The following TRAPPC9 variants were observed in gnomAD, a reference collection of about 807,000 sequenced individuals.
The protein encoded by TRAPPC9 is trafficking protein particle complex subunit 9.
Under a neutral mutation model 124.0 loss-of-function variants are expected in TRAPPC9, and 83 were observed. The ratio of observed to expected loss-of-function variants is 0.67; its 90% CI spans 0.56 to 0.80. The LOEUF is 0.80. Ranked by LOEUF, TRAPPC9 falls within the 30% of genes least tolerant of loss-of-function variation. The pLI is 0.00. For synonymous variants in TRAPPC9, 638 were observed against 617.5 expected, an observed-to-expected ratio of 1.03 and a Z score of -0.49; for missense variants, 1,302 against 1,508.3, an observed-to-expected ratio of 0.86 and a Z score of 2.27.
chr8:139,754,288 A>AGCTGC (rs1819551514), intron 21 of TRAPPC9, among the ~76,000 whole-genome samples: 2 of 152,222 alleles, frequency 1.3e-5, no homozygotes, highest in Non-Finnish European at 2.9e-5. Flanking sequence ...GCCTGGTCTC[A>AGCTGC]GCTGCACAAT....
At position 140,104,406 on chromosome 8, in the gene TRAPPC9, A is replaced by G. The variant is rs2060629308; in HGVS notation, c.2557-80327T>C. ...TGGAATATCATCAGGAATAAAGATG[A>G]CTGAGACCCTGCGATCTCTGAGATA... On this transcript the variant is annotated intron_variant, in intron 17 of 22. Transcript: ENST00000438773. This position sits in a 1 kb window ranked among gnomAD's most constrained non-coding sequence, Gnocchi z 4.0. Among the ~76,000 whole-genome samples, 1 of 152,166 alleles carries G rather than the reference A, an allele frequency of 6.6e-6. No individual in the cohort carries two copies. Among genetic ancestry groups the G allele is most frequent in the African/African-American group, 2.4e-5 (1 of 41,450 alleles).
intron 9 of TRAPPC9, among the ~76,000 whole-genome samples, chr8:140,313,530 T>C (rs2066362046): frequency 6.6e-6 from 1 of 152,210 alleles, no homozygotes; most frequent in Non-Finnish European, 1.5e-5. Flanking sequence ...GTTTGTGCTT[T>C]AGGTCTGGTC....
chr8:139,891,940 T>C (rs576177842), intron 20 of TRAPPC9, among the ~76,000 whole-genome samples: 2 of 152,224 alleles, frequency 1.3e-5, no homozygotes, highest in Non-Finnish European at 2.9e-5. Context: ...ACACACCACA[T>C]GGCAGCCCAC....
rs915473892 is a variant in TRAPPC9, at chr8:140,084,023, A to G, written c.2557-59944T>C. Among the ~76,000 whole-genome samples the G allele has an allele frequency of 1.1e-3, 166 of 152,222 alleles. 1 individual carries two copies. The highest frequency in any genetic ancestry group is 3.8e-3 in the African/African-American group (156 of 41,558). Reference sequence around the variant, plus strand: ...AGGATCTTGCTGTGTTGCTCGGACTAGAGTGCAGTGGCTGTTCACAGGCAC... The same window carrying G: ...AGGATCTTGCTGTGTTGCTCGGACTGGAGTGCAGTGGCTGTTCACAGGCAC... On this transcript the variant is annotated intron_variant, in intron 17 of 22. Coordinates refer to ENST00000438773, the MANE Select transcript of TRAPPC9 (RefSeq NM_001160372.4).
chr8:139,963,749 CAAAAAAAAAAAAAA>C (rs58224556), intron 19 of TRAPPC9, among the ~76,000 whole-genome samples: 49 of 107,338 alleles, frequency 4.6e-4, no homozygotes, highest in Admixed American at 4.9e-4. Flanking sequence ...CCAGTTCTAC[CAAAAAAAAAAAAAA>C]AAAAAAAAAA....
Position 140,439,341 on chromosome 8 carries a change from A to G in TRAPPC9, c.585-144T>C, listed in dbSNP as rs560629685. ...CTATAATTTTAAGTCAGCAATAATC[A>G]TTGCCAGTTATGTGAGCTGGAGTGG... On this transcript the variant is annotated intron_variant, in intron 2 of 22. Transcript: ENST00000438773. 3.3e-6 allele frequency: 3 copies of G among 909,842 alleles called. No individual in the cohort carries two copies. The South Asian group carries it at 4.9e-5, about 15-fold the overall frequency. The allele number at this position is 909,842 out of a possible 1,614,324, so 56.4% of individuals were successfully genotyped here. A position where few individuals can be genotyped will look rare whatever the true frequency, so the allele number is the denominator to read the frequency against.
At chr8:140,215,687 C>A (rs1406245024) in intron 17 of TRAPPC9, among the ~76,000 whole-genome samples, 1 of 151,704 alleles carries the variant, frequency 6.6e-6, no homozygotes, top group South Asian at 2.1e-4. Flanking sequence ...CATGCCCTGA[C>A]TCCACCACCC....
At chr8:140,221,298 G>A (rs72688845) in intron 17 of TRAPPC9, among the ~76,000 whole-genome samples, 161 bp downstream of exon 17, 191 of 152,276 alleles carry the variant, frequency 1.3e-3, no homozygotes, top group Non-Finnish European at 2.1e-3. Context: ...TCACTGTGAC[G>A]GCTTTCCAAA....
intron 17 of TRAPPC9, among the ~76,000 whole-genome samples, chr8:140,093,667 TAA>T (rs35712232): frequency 0.028 from 3,810 of 137,630 alleles, 113 homozygotes; most frequent in African/African-American, 0.083. Context: ...GACTTCGTCT[TAA>T]AAAAAAAAAA....
chr8:140,374,787 G>A (rs756527639), intron 7 of TRAPPC9, among the ~76,000 whole-genome samples: 41 of 152,076 alleles, frequency 2.7e-4, no homozygotes, highest in Non-Finnish European at 4.6e-4. Context: ...GGTGACAGCC[G>A]GGGAAGGTCA....
intron 17 of TRAPPC9, among the ~76,000 whole-genome samples, chr8:140,117,607 G>T (rs1226327437): frequency 6.6e-6 from 1 of 152,182 alleles, no homozygotes; most frequent in Non-Finnish European, 1.5e-5. Flanking sequence ...ACCTCTTAAA[G>T]GTCCCATCTC....
intron 18 of TRAPPC9, among the ~76,000 whole-genome samples, chr8:140,012,259 G>A (rs903845235): frequency 6.6e-6 from 1 of 152,200 alleles, no homozygotes; most frequent in South Asian, 2.1e-4. Context: ...TTCAAGGCAG[G>A]AAGTAGAGTT....
intron 19 of TRAPPC9, among the ~76,000 whole-genome samples, chr8:139,941,056 G>C (rs1346190116): frequency 6.6e-6 from 1 of 152,244 alleles, no homozygotes; most frequent in African/African-American, 2.4e-5. Context: ...GATTGGTTCT[G>C]TGGCAGGCCC....
intron 1 of TRAPPC9, chr8:140,456,927 G>T: frequency 1.5e-6 from 1 of 680,966 alleles, no homozygotes; most frequent in African/African-American, 1.9e-5. Flanking sequence ...GTCTGCAGGG[G>T]TGGAGGGGAT....
At chr8:140,136,908 A>G (rs2061313496) in intron 17 of TRAPPC9, among the ~76,000 whole-genome samples, 1 of 152,180 alleles carries the variant, frequency 6.6e-6, no homozygotes, top group African/African-American at 2.4e-5. Context: ...GGAAGGCCTG[A>G]TTCCAAAGCA....
chr8:139,750,263 C>T (rs757322861), intron 21 of TRAPPC9, among the ~76,000 whole-genome samples: 5 of 152,156 alleles, frequency 3.3e-5, no homozygotes, highest in Non-Finnish European at 7.4e-5. Context: ...CAGATGTGCA[C>T]AGGATTCCTG....
chr8:140,051,148 TG>T (rs1261128569), intron 17 of TRAPPC9, among the ~76,000 whole-genome samples: 1 of 152,184 alleles, frequency 6.6e-6, no homozygotes, highest in Non-Finnish European at 1.5e-5. Flanking sequence ...AAGAGAGAAG[TG>T]CCTTCATTCC....
chr8:140,283,837 C>T (rs1294600598), intron 14 of TRAPPC9, 52 bp downstream of exon 14: 10 of 1,609,976 alleles, frequency 6.2e-6, no homozygotes, highest in Non-Finnish European at 8.5e-6. Context: ...AAATGTAGGA[C>T]CAAAAATGAT....
chr8:140,364,826 C>A (rs558373461), intron 8 of TRAPPC9, among the ~76,000 whole-genome samples: 1 of 152,160 alleles, frequency 6.6e-6, no homozygotes, highest in East Asian at 2.0e-4. Context: ...CCCATCTTGA[C>A]CTCCCAAAGT....
Sources: gnomAD v4.1 joint callset for allele counts (sites outside exome capture counted in the v4.1 genomes callset) on GRCh38, gnomAD v4.1.1 for gene constraint, Gnocchi (gnomAD v3.1) non-coding constraint, MANE v1.5 for transcripts, NCBI Gene and HGNC (gene_info 2026-07-23, HGNC 2026-07-21) for gene names.